SEC62: variants seen among roughly 807,000 people sequenced by gnomAD.
SEC62 encodes the protein SEC62 preprotein translocation factor.
In SEC62, 10 loss-of-function variants were observed where a neutral mutation model predicts 47.5. The ratio of observed to expected loss-of-function variants is 0.21; its 90% CI spans 0.13 to 0.36. The LOEUF is 0.36. Among genes scored for constraint, SEC62 ranks in the 10% least tolerant of loss-of-function variants. The pLI is 1.00. For missense variants in SEC62, 327 were observed against 464.1 expected, an observed-to-expected ratio of 0.70 and a Z score of 2.71; for synonymous variants, 136 against 150.5, an observed-to-expected ratio of 0.90 and a Z score of 0.71.
intron 7 of SEC62, among the ~76,000 whole-genome samples, chr3:169,991,423 GGATA>G (rs758659188): frequency 4.1e-4 from 63 of 152,130 alleles, no homozygotes; most frequent in African/African-American, 1.4e-3. Flanking sequence ...GAGAGAGGGA[GGATA>G]GATAGAGAGA....
intron 5 of SEC62, among the ~76,000 whole-genome samples, chr3:169,984,932 G>A (rs989318572): frequency 6.6e-6 from 1 of 152,138 alleles, no homozygotes; most frequent in East Asian, 1.9e-4. Flanking sequence ...TAAAATAAGA[G>A]CCTGATAAAA....
At chr3:169,984,754 G>A (rs1715058414) in intron 5 of SEC62, among the ~76,000 whole-genome samples, 1 of 152,118 alleles carries the variant, frequency 6.6e-6, no homozygotes, top group African/African-American at 2.4e-5. Flanking sequence ...TGGAACCTCT[G>A]GTGTTAAAAA....
chr3:169,997,830 T>A lies in SEC62; in HGVS notation c.*4767T>A, dbSNP rs1226115387. 6.6e-6 allele frequency: 1 copy of A among 152,166 alleles called. No individual in the cohort carries two copies. Among genetic ancestry groups the A allele is most frequent in the Non-Finnish European group, 1.5e-5 (1 of 68,022 alleles). 9.4% of individuals were successfully genotyped at this position (152,166 alleles called of 1,614,324 possible). On this transcript the variant is annotated 3_prime_UTR_variant, in exon 8 of 8. Transcript: ENST00000337002. ...GGGTTACAAGGGAAACGAATTACACTGAAGTGTAAGCTACCAAATAATTTA... is the reference window on the plus strand; with the variant it reads ...GGGTTACAAGGGAAACGAATTACACAGAAGTGTAAGCTACCAAATAATTTA...
Position 169,993,193 on chromosome 3 carries a change from A to G in SEC62, c.*130A>G. On this transcript the variant is annotated 3_prime_UTR_variant, in exon 8 of 8. Coordinates refer to ENST00000337002, the MANE Select transcript of SEC62 (RefSeq NM_003262.4). ...ATCTACTGAAATGTATTTGACATTC[A>G]AGCAGTTATATTCGGTCCTTCATTT... 1 of 701,768 alleles carries G rather than the reference A, an allele frequency of 1.4e-6. No individual in the cohort carries two copies. The allele number at this position is 701,768 out of a possible 1,614,324, so 43.5% of individuals were successfully genotyped here. A position where few individuals can be genotyped will look rare whatever the true frequency, so the allele number is the denominator to read the frequency against.
chr3:169,981,130 TTATATA>T (rs1342181006), intron 3 of SEC62, among the ~76,000 whole-genome samples: 1 of 152,230 alleles, frequency 6.6e-6, no homozygotes, highest in Non-Finnish European at 1.5e-5. Flanking sequence ...TCTTGTTTGT[TTATATA>T]TGTATATGTA....
intron 1 of SEC62, 57 bp from the exon 2 acceptor site, chr3:169,975,551 C>G: frequency 9.4e-7 from 1 of 1,068,730 alleles, no homozygotes; most frequent in South Asian, 1.3e-5. Flanking sequence ...AATTATTATT[C>G]AGCGCATGAA....
intron 2 of SEC62, 31 bp downstream of exon 2, chr3:169,975,747 G>A (rs1403526432): frequency 2.1e-6 from 3 of 1,425,308 alleles, no homozygotes; most frequent in East Asian, 2.3e-5. Flanking sequence ...TCGTATTAGT[G>A]TACATATGTT....
intron 7 of SEC62, among the ~76,000 whole-genome samples, chr3:169,990,316 A>G (rs1034332625): frequency 7.9e-5 from 12 of 151,860 alleles, no homozygotes; most frequent in Non-Finnish European, 1.3e-4. Flanking sequence ...ATTGGTCACA[A>G]TTATATCTGG....
intron 2 of SEC62, among the ~76,000 whole-genome samples, chr3:169,976,336 C>G (rs1714836677): frequency 6.6e-6 from 1 of 152,226 alleles, no homozygotes; most frequent in South Asian, 2.1e-4. Flanking sequence ...CCACTGTACT[C>G]CAGCCTGGGT....
At chr3:169,968,173 G>A (rs754683478) in intron 1 of SEC62, among the ~76,000 whole-genome samples, 4 of 152,096 alleles carry the variant, frequency 2.6e-5, no homozygotes, top group Non-Finnish European at 5.9e-5. Context: ...CCTCTGACGT[G>A]GGTATACAGT....
At chr3:169,985,589 T>C (rs1287688663) in intron 5 of SEC62, 2 of 418,744 alleles carry the variant, frequency 4.8e-6, no homozygotes, top group Non-Finnish European at 8.4e-6. Context: ...ACTTAAGTGC[T>C]TTATAGAATT....
In SEC62 at chr3:169,976,998, A is replaced by G. The variant is rs1488003351; in HGVS notation, c.198A>G (p.Lys66=). ...ATTCAAAGTGGGCAAAGGCCAAGAA[A>G]GGAGAGGAAGCTTTATTTACAACCA... ...LLDSKWAKAK[K]GEEALFTTRE... is the part of the protein sequence containing the mutation. The change falls in exon 3 of 8, where the codon AAA becomes AAG. Residue 66 remains lysine (K), a synonymous_variant. Coordinates refer to ENST00000337002, the MANE Select transcript of SEC62 (RefSeq NM_003262.4). 2.5e-6 allele frequency: 4 copies of G among 1,611,614 alleles called. No homozygotes were observed. Among genetic ancestry groups the G allele is most frequent in the East Asian group, 2.2e-5 (1 of 44,774 alleles).
intron 5 of SEC62, 57 bp downstream of exon 5, chr3:169,983,310 G>A (rs1341592182): frequency 3.5e-6 from 4 of 1,155,850 alleles, no homozygotes; most frequent in Non-Finnish European, 4.9e-6. Flanking sequence ...TTAGAAAGAT[G>A]TTTGATGCCT....
intron 5 of SEC62, 65 bp downstream of exon 5, chr3:169,983,318 C>A: frequency 9.6e-7 from 1 of 1,043,330 alleles, no homozygotes; most frequent in Non-Finnish European, 1.4e-6. Context: ...ATGTTTGATG[C>A]CTTCACTAAT....
intron 6 of SEC62, among the ~76,000 whole-genome samples, chr3:169,986,135 T>TA (rs1251555389): frequency 9.8e-5 from 15 of 152,292 alleles, no homozygotes; most frequent in African/African-American, 3.6e-4. Context: ...GAGTGATACT[T>TA]AATCACACTC....
rs1559969027 is a variant in SEC62, at chr3:169,994,303, T to C, written c.*1240T>C. The C allele has an allele frequency of 6.6e-6, 1 of 152,662 alleles. No homozygotes were observed. The highest frequency in any genetic ancestry group is 1.5e-5 in the Non-Finnish European group (1 of 68,030). 9.5% of individuals were successfully genotyped at this position (152,662 alleles called of 1,614,324 possible). On this transcript the variant is annotated 3_prime_UTR_variant, in exon 8 of 8. Transcript: ENST00000337002. ...TGAGCATAATCATTCCTTGGAGTTA[T>C]ACTAACTAATAATGAATATTAAATG...
intron 1 of SEC62, among the ~76,000 whole-genome samples, chr3:169,967,705 G>A (rs1282337772): frequency 1.3e-5 from 2 of 152,120 alleles, no homozygotes; most frequent in Non-Finnish European, 2.9e-5. Flanking sequence ...TTGGACTCAG[G>A]ATATTTATTA....
chr3:169,978,458 G>A (rs1446651583), intron 3 of SEC62: 3 of 152,352 alleles, frequency 2.0e-5, no homozygotes, highest in African/African-American at 7.2e-5. Flanking sequence ...GGGCACAGTG[G>A]TTCACGCCTG....
chr3:169,983,305 A>G, intron 5 of SEC62, 52 bp downstream of exon 5: 1 of 1,276,814 alleles, frequency 7.8e-7, no homozygotes, highest in Non-Finnish European at 1.1e-6. Context: ...AGTTTTTAGA[A>G]AGATGTTTGA....
Sources: allele counts gnomAD v4.1 joint callset (sites outside exome capture counted in the v4.1 genomes callset), GRCh38; gene constraint gnomAD v4.1.1; transcripts MANE v1.5; gene names NCBI Gene and HGNC (gene_info 2026-07-23, HGNC 2026-07-21).